Variants in KIRREL3 observed in about 807,000 individuals in gnomAD.
KIRREL3 encodes the protein kin of IRRE-like protein 3.
Under a neutral mutation model 89.7 loss-of-function variants are expected in KIRREL3, and 36 were observed. The observed-to-expected ratio is 0.40, with a 90% CI of 0.31 to 0.53. KIRREL3 has a LOEUF of 0.53. Among genes scored for constraint, KIRREL3 ranks in the 20% least tolerant of loss-of-function variants. The pLI is 0.49. For missense variants in KIRREL3, 864 were observed against 1,056.6 expected (o/e 0.82, Z 2.53); for synonymous variants, 445 against 441.4 (o/e 1.01, Z -0.10).
chr11:126,715,519 G>A lies in KIRREL3; in HGVS notation c.56-152607C>T, dbSNP rs2134156765. Among the ~76,000 whole-genome samples the A allele has an allele frequency of 6.6e-6, 1 of 152,316 alleles. No individual in the cohort carries two copies. Among genetic ancestry groups the A allele is most frequent in the African/African-American group, 2.4e-5 (1 of 41,576 alleles). On this transcript the variant is annotated intron_variant, in intron 1 of 16. Transcript: ENST00000525144. This position sits in a 1 kb window ranked among gnomAD's most constrained non-coding sequence, Gnocchi z 4.4. ...ATGATCAGGGCAAATGGCTCCAAATGAAGATGAAAAAGCTTTTACAGTGAC... is the reference window on the plus strand; with the variant it reads ...ATGATCAGGGCAAATGGCTCCAAATAAAGATGAAAAAGCTTTTACAGTGAC...
upstream of KIRREL3, chr11:127,003,020 G>C (rs1950341193): frequency 6.6e-6 from 1 of 152,148 alleles, no homozygotes; most frequent in Admixed American, 6.6e-5. Context: ...ACTGGCTCCA[G>C]GCATCCCCCT....
In KIRREL3 at chr11:126,918,402, T is replaced by C. The variant is rs1432807076; in HGVS notation, c.55+82053A>G. Among the ~76,000 whole-genome samples, 1 of 152,240 alleles carries C rather than the reference T, an allele frequency of 6.6e-6. No homozygotes were observed. The highest frequency in any genetic ancestry group is 1.9e-4 in the East Asian group (1 of 5,202). ...ATATTTACGACAGTGCTTTAGACCA[T>C]CCAGGTAGTTTTAGCGTAAGGAGTG... is the stretch of plus-strand genomic sequence containing the variant. On this transcript the variant is annotated intron_variant, in intron 1 of 16. Coordinates refer to ENST00000525144, the MANE Select transcript of KIRREL3 (RefSeq NM_032531.4). The surrounding 1 kb of genome is among the most constrained non-coding windows in gnomAD (Gnocchi z 6.5).
At position 126,955,538 on chromosome 11, in the gene KIRREL3, G is replaced by T. The variant is rs1264320203; in HGVS notation, c.55+44917C>A. Among the ~76,000 whole-genome samples, 1 of 152,198 alleles carries T rather than the reference G, an allele frequency of 6.6e-6. No homozygotes were observed. The highest frequency in any genetic ancestry group is 1.5e-5 in the Non-Finnish European group (1 of 68,026). ...GTGGATTCCAGGGTGAAGGTGGTTTGTCCTCCAGTGTGTGTTGGCCAGGGA... is the reference window on the plus strand; with the variant it reads ...GTGGATTCCAGGGTGAAGGTGGTTTTTCCTCCAGTGTGTGTTGGCCAGGGA... On this transcript the variant is annotated intron_variant, in intron 1 of 16. Coordinates refer to ENST00000525144, the MANE Select transcript of KIRREL3 (RefSeq NM_032531.4). The surrounding 1 kb of genome is among the most constrained non-coding windows in gnomAD (Gnocchi z 4.6).
chr11:126,497,514 T>C (rs1385413995), intron 4 of KIRREL3, among the ~76,000 whole-genome samples: 3 of 152,244 alleles, frequency 2.0e-5, no homozygotes, highest in Non-Finnish European at 4.4e-5. Context: ...CACAACGCAC[T>C]CTTCCCAGAG....
rs1487181205 is a variant in KIRREL3 at position 126,999,919 on chromosome 11, A to C, written c.55+536T>G. Among the ~76,000 whole-genome samples the C allele has an allele frequency of 6.6e-6, 1 of 152,198 alleles. No individual in the cohort carries two copies. The highest frequency in any genetic ancestry group is 1.5e-5 in the Non-Finnish European group (1 of 68,044). ...ATGAAACTCTTTACAAGCTTTTCCC[A>C]ACCACTGCAAATTACCCCCCACAAT... is the stretch of plus-strand genomic sequence containing the variant. On this transcript the variant is annotated intron_variant, in intron 1 of 16. Transcript: ENST00000525144. The surrounding 1 kb of genome is among the most constrained non-coding windows in gnomAD (Gnocchi z 5.7).
chr11:126,575,044 G>A lies in KIRREL3; in HGVS notation c.56-12132C>T, dbSNP rs938165710. Among the ~76,000 whole-genome samples, 1 of 152,212 alleles carries A rather than the reference G, an allele frequency of 6.6e-6. No homozygotes were observed. The highest frequency in any genetic ancestry group is 2.4e-5 in the African/African-American group (1 of 41,448). The stretch of plus-strand genomic sequence containing the variant: ...CTGTCAGTCCACAGAGGGTGGTTAT[G>A]GCAATGTGGAGGAGGCCGGTGGCCC... On this transcript the variant is annotated intron_variant, in intron 1 of 16. Transcript: ENST00000525144. This position sits in a 1 kb window ranked among gnomAD's most constrained non-coding sequence, Gnocchi z 7.0.
At chr11:126,439,875 A>G (rs76556911) in intron 11 of KIRREL3, among the ~76,000 whole-genome samples, 7,019 of 151,622 alleles carry the variant, frequency 0.046, 281 homozygotes, top group East Asian at 0.23. Context: ...AACCAAGCAG[A>G]TAGCTGGTAG....
intron 1 of KIRREL3, among the ~76,000 whole-genome samples, chr11:126,930,278 G>A (rs1947894573): frequency 6.6e-6 from 1 of 152,084 alleles, no homozygotes; most frequent in African/African-American, 2.4e-5. Flanking sequence ...TGTGGTAACA[G>A]GAGCAACTTG....
At chr11:126,658,386 C>T (rs955658072) in intron 1 of KIRREL3, among the ~76,000 whole-genome samples, 6 of 152,304 alleles carry the variant, frequency 3.9e-5, no homozygotes, top group African/African-American at 1.4e-4. Context: ...TGACTAAAAA[C>T]TTTCTGGCCT....
rs1255021834 is a variant in KIRREL3, at chr11:126,491,684, GTTTTTCTTTTTTTCT to G, written c.434-18233_434-18219del. On this transcript the variant is annotated intron_variant, in intron 4 of 16. Coordinates refer to ENST00000525144, the MANE Select transcript of KIRREL3 (RefSeq NM_032531.4). This position sits in a 1 kb window ranked among gnomAD's most constrained non-coding sequence, Gnocchi z 5.5. ...GTGCTCCCCACACACAGATTTGGAT[GTTTTTCTTTTTTTCT>G]TTTTTCTTTTTTTTTATATTTATAC... Among the ~76,000 whole-genome samples the G allele has an allele frequency of 3.9e-5, 6 of 152,002 alleles. No individual in the cohort carries two copies. Among genetic ancestry groups the G allele is most frequent in the African/African-American group, 9.7e-5 (4 of 41,390 alleles).
chr11:126,765,705 G>A (rs1949802284), intron 1 of KIRREL3, among the ~76,000 whole-genome samples: 1 of 152,142 alleles, frequency 6.6e-6, no homozygotes, highest in Non-Finnish European at 1.5e-5. Context: ...TTTCGGGGAA[G>A]CAACCCCGCA....
In KIRREL3 at chr11:126,955,009, G is replaced by A. The variant is rs937785061; in HGVS notation, c.55+45446C>T. ...CACGTGCCCTAGCTCAGCTGAGGCT[G>A]AGAGGCTGGCTGAAGCAGGAAGAAC... On this transcript the variant is annotated intron_variant, in intron 1 of 16. Transcript: ENST00000525144. This position sits in a 1 kb window ranked among gnomAD's most constrained non-coding sequence, Gnocchi z 4.6. Among the ~76,000 whole-genome samples the A allele has an allele frequency of 6.6e-6, 1 of 152,190 alleles. No individual in the cohort carries two copies. The highest frequency in any genetic ancestry group is 2.4e-5 in the African/African-American group (1 of 41,442).
chr11:126,624,395 A>C lies in KIRREL3; in HGVS notation c.56-61483T>G, dbSNP rs1438849969. On this transcript the variant is annotated intron_variant, in intron 1 of 16. Coordinates refer to ENST00000525144, the MANE Select transcript of KIRREL3 (RefSeq NM_032531.4). The surrounding 1 kb of genome is among the most constrained non-coding windows in gnomAD (Gnocchi z 6.0). Reference sequence around the variant, plus strand: ...TTTCTTAGAACACGAAGCATGAATCACTTACACCAGAGATGAGAAAAGCAC... The same window carrying C: ...TTTCTTAGAACACGAAGCATGAATCCCTTACACCAGAGATGAGAAAAGCAC... Among the ~76,000 whole-genome samples, 7 of 151,126 alleles carry C rather than the reference A, an allele frequency of 4.6e-5. No individual in the cohort carries two copies. The highest frequency in any genetic ancestry group is 8.9e-5 in the Non-Finnish European group (6 of 67,542).
At position 126,771,837 on chromosome 11, in the gene KIRREL3, A is replaced by G. The variant is rs1410098704; in HGVS notation, c.56-208925T>C. Among the ~76,000 whole-genome samples the G allele has an allele frequency of 1.3e-5, 2 of 152,258 alleles. No homozygotes were observed. Among genetic ancestry groups the G allele is most frequent in the African/African-American group, 4.8e-5 (2 of 41,478 alleles). On this transcript the variant is annotated intron_variant, in intron 1 of 16. Coordinates refer to ENST00000525144, the MANE Select transcript of KIRREL3 (RefSeq NM_032531.4). The surrounding 1 kb of genome is among the most constrained non-coding windows in gnomAD (Gnocchi z 4.4). The stretch of plus-strand genomic sequence containing the variant: ...GGTAGGCATGAATGGTATCTTGCAG[A>G]CATCTACCCTGAAATAGAGACCTGA...
rs542609761 is a variant in KIRREL3, at chr11:126,526,521, G to A, written c.283+17C>T. 6.2e-7 allele frequency: 1 copy of A among 1,607,148 alleles called. No homozygotes were observed. Among genetic ancestry groups the A allele is most frequent in the East Asian group, 2.2e-5 (1 of 44,652 alleles). ...TGATGGCCCCAGGCCCACCCCAGGAGGTCTGGAGGTACTCACTTGAGAGGT... is the reference window on the plus strand; with the variant it reads ...TGATGGCCCCAGGCCCACCCCAGGAAGTCTGGAGGTACTCACTTGAGAGGT... On this transcript the variant is annotated intron_variant, in intron 3 of 16. Transcript: ENST00000525144. The surrounding 1 kb of genome is among the most constrained non-coding windows in gnomAD (Gnocchi z 5.7).
rs548491937 is a variant in KIRREL3 at position 126,601,788 on chromosome 11, C to A, written c.56-38876G>T. The stretch of plus-strand genomic sequence containing the variant: ...TCATCCCCCTGAATTCCATCCCCTG[C>A]CGCGTCCATTTCTAGGAGCTCCATT... On this transcript the variant is annotated intron_variant, in intron 1 of 16. Transcript: ENST00000525144. The surrounding 1 kb of genome is among the most constrained non-coding windows in gnomAD (Gnocchi z 5.8). Among the ~76,000 whole-genome samples the A allele has an allele frequency of 8.5e-5, 13 of 152,332 alleles. No individual in the cohort carries two copies. Among genetic ancestry groups the A allele is most frequent in the Middle Eastern group, 3.4e-3 (1 of 294 alleles).
chr11:126,556,910 C>T (rs546108077), intron 2 of KIRREL3, among the ~76,000 whole-genome samples: 5 of 152,220 alleles, frequency 3.3e-5, no homozygotes, highest in African/African-American at 1.2e-4. Context: ...GCTTTGCAGC[C>T]CCAGTGGAAG....
chr11:126,424,391 C>G lies in KIRREL3; in HGVS notation c.*189G>C. 15 of 455,092 alleles carry G rather than the reference C, an allele frequency of 3.3e-5. No individual in the cohort carries two copies. The highest frequency in any genetic ancestry group is 1.4e-4 in the East Asian group (3 of 21,262). 28.2% of individuals were successfully genotyped at this position (455,092 alleles called of 1,614,324 possible). ...TGTCTCCCCACCCGCCCACCTCTGG[C>G]ACACAGCACCTGGGGACCCAGATTT... On this transcript the variant is annotated 3_prime_UTR_variant, in exon 17 of 17. Coordinates refer to ENST00000525144, the MANE Select transcript of KIRREL3 (RefSeq NM_032531.4).
chr11:126,517,632 C>T (rs749638292), intron 4 of KIRREL3, among the ~76,000 whole-genome samples: 9 of 152,202 alleles, frequency 5.9e-5, no homozygotes, highest in Non-Finnish European at 1.3e-4. Context: ...CCACCCTAAT[C>T]AGTTTTCTTC....
Sources: gnomAD v4.1 joint callset for allele counts (sites outside exome capture counted in the v4.1 genomes callset) on GRCh38, gnomAD v4.1.1 for gene constraint, Gnocchi (gnomAD v3.1) non-coding constraint, MANE v1.5 for transcripts, NCBI Gene and HGNC (gene_info 2026-07-23, HGNC 2026-07-21) for gene names.